XKR3: variants seen among roughly 807,000 people sequenced by gnomAD.
XKR3 encodes XK related 3.
In XKR3, 27 loss-of-function variants were observed where a neutral mutation model predicts 40.3. That is an observed-to-expected ratio of 0.67 (90% CI 0.49 to 0.92). The LOEUF (loss-of-function observed/expected upper bound fraction) is 0.92, where lower values mean the gene tolerates loss of function less well. Among genes scored for constraint, XKR3 ranks in the 40% least tolerant of loss-of-function variants. The probability of loss-of-function intolerance (pLI) is 0.00; values close to 1 mark genes in which losing one functional copy is unlikely to be tolerated. For missense variants in XKR3, 472 were observed against 537.6 expected (o/e 0.88, Z 1.21); for synonymous variants, 193 against 195.4 (o/e 0.99, Z 0.10).
intron 1 of XKR3, among the ~76,000 whole-genome samples, chr22:16,821,936 T>G (rs2060258344): frequency 6.6e-6 from 1 of 152,108 alleles, no homozygotes. Context: ...ATTTTTATTA[T>G]TTTTTGCCAC....
At chr22:16,807,473 T>C (rs2060194238) in intron 2 of XKR3, among the ~76,000 whole-genome samples, 1 of 152,142 alleles carries the variant, frequency 6.6e-6, no homozygotes, top group African/African-American at 2.4e-5. Flanking sequence ...ATGAGAAAAA[T>C]AGTAAAGACT....
chr22:16,790,258 T>C (rs1324078305), intron 3 of XKR3, among the ~76,000 whole-genome samples: 7 of 151,814 alleles, frequency 4.6e-5, no homozygotes, highest in Non-Finnish European at 1.0e-4. Flanking sequence ...TTTTTTTTTT[T>C]TTTTGGATAA....
chr22:16,802,280 C>T (rs188096107), intron 2 of XKR3, among the ~76,000 whole-genome samples: 21 of 152,144 alleles, frequency 1.4e-4, no homozygotes, highest in Non-Finnish European at 1.9e-4. Flanking sequence ...TTCTCCCATC[C>T]CTTGTCTTTC....
In XKR3 at chr22:16,784,336, G is replaced by C; in HGVS notation, c.663C>G (p.Ile221Met). The C allele has an allele frequency of 6.2e-7, 1 of 1,614,106 alleles. No individual in the cohort carries two copies. The highest frequency in any genetic ancestry group is 8.5e-7 in the Non-Finnish European group (1 of 1,179,998). ...GCTTAATGGTAGTATCATCATTGCT[G>C]ATCTGGATGGCCAGTATATTGCAGC... ...AIRCNILAIQ[I>M]SNDDTTIKLP... Residue 221 changes from isoleucine (I) to methionine (M), a missense_variant, in exon 4 of 4, where the codon ATC (isoleucine) becomes ATG (methionine). Physicochemically the swap from Ile to Met is conservative, Grantham distance 10 (BLOSUM62 1). Coordinates refer to ENST00000684488, the MANE Select transcript of XKR3 (RefSeq NM_001386955.1).
chr22:16,786,256 G>GCGCACACACA lies in XKR3; in HGVS notation c.590-1848_590-1847insTGTGTGTGCG, dbSNP rs1555895915. ...GAAAACCTGTATCTACAAAACGCGT[G>GCGCACACACA]CACACACACACACACACAAATACAC... On this transcript the variant is annotated intron_variant, in intron 3 of 3. Coordinates refer to ENST00000684488, the MANE Select transcript of XKR3 (RefSeq NM_001386955.1). Among the ~76,000 whole-genome samples the GCGCACACACA allele has an allele frequency of 2.6e-3, 385 of 148,706 alleles. 2 individuals are homozygous for GCGCACACACA. Among genetic ancestry groups the GCGCACACACA allele is most frequent in the African/African-American group, 9.4e-3 (376 of 40,200 alleles).
At chr22:16,821,499 G>T in intron 1 of XKR3, 1 of 151,678 alleles carries the variant, frequency 6.6e-6, no homozygotes, top group East Asian at 1.9e-4. Flanking sequence ...AGGTATATTG[G>T]CAATAAACAG....
chr22:16,800,594 A>T (rs1351444479), intron 2 of XKR3, among the ~76,000 whole-genome samples: 1 of 152,198 alleles, frequency 6.6e-6, no homozygotes, highest in African/African-American at 2.4e-5. Flanking sequence ...GTCTAAAAAA[A>T]CTCAATGAAT....
chr22:16,806,513 G>A (rs557858769), intron 2 of XKR3, among the ~76,000 whole-genome samples: 48 of 145,648 alleles, frequency 3.3e-4, no homozygotes, highest in African/African-American at 1.1e-3. Flanking sequence ...TGTTGCCTAG[G>A]CGCAACTTCT....
rs187187892 is a variant in XKR3 at position 16,809,319 on chromosome 22, G to A, written c.-10-1236C>T. 1.3e-4 allele frequency among the ~76,000 whole-genome samples: 20 copies of A among 152,110 alleles called. 2 individuals are homozygous for A. Among genetic ancestry groups the A allele is most frequent in the African/African-American group, 4.6e-4 (19 of 41,502 alleles). On this transcript the variant is annotated intron_variant, in intron 1 of 3. Coordinates refer to ENST00000684488, the MANE Select transcript of XKR3 (RefSeq NM_001386955.1). ...CCTCCTGGACCCAATCCATCAATAT[G>A]ATTGATCTTTTTCTCTTTTGTGTAA...
intron 1 of XKR3, among the ~76,000 whole-genome samples, chr22:16,819,735 C>A (rs1023542151): frequency 2.0e-5 from 3 of 151,986 alleles, no homozygotes; most frequent in African/African-American, 7.3e-5. Flanking sequence ...ACCAAAAATA[C>A]AAGCCATGAA....
chr22:16,783,480 T>C lies in XKR3; in HGVS notation c.*139A>G. On this transcript the variant is annotated 3_prime_UTR_variant, in exon 4 of 4. Coordinates refer to ENST00000684488, the MANE Select transcript of XKR3 (RefSeq NM_001386955.1). The stretch of plus-strand genomic sequence containing the variant: ...AGAAAACAAAAATTACTAAGGCACG[T>C]TCACAGGAGAACATAAATGAATTTT... 1 of 642,724 alleles carries C rather than the reference T, an allele frequency of 1.6e-6. No homozygotes were observed. The highest frequency in any genetic ancestry group is 3.7e-5 in the Admixed American group (1 of 27,060). The allele number at this position is 642,724 out of a possible 1,614,324, so 39.8% of individuals were successfully genotyped here.
chr22:16,807,848 C>A lies in XKR3; in HGVS notation c.226G>T (p.Val76Leu). The change falls in exon 2 of 4, where the codon GTG (valine) becomes TTG (leucine). Residue 76 changes from valine (V) to leucine (L), a missense_variant. Physicochemically the swap from Val to Leu is conservative, Grantham distance 32. Coordinates refer to ENST00000684488, the MANE Select transcript of XKR3 (RefSeq NM_001386955.1). ...ATAATTTGATCCAAAATTGCCCCCA[C>A]AATAATAAAGCTGATGGTAAATGAC... is the stretch of plus-strand genomic sequence containing the variant. ...WMSFTISFII[V>L]GAILDQIILM... 6.2e-7 allele frequency: 1 copy of A among 1,613,916 alleles called. No individual in the cohort carries two copies. Among genetic ancestry groups the A allele is most frequent in the Admixed American group, 1.7e-5 (1 of 60,010 alleles).
At chr22:16,804,262 G>C (rs1601846125) in intron 2 of XKR3, among the ~76,000 whole-genome samples, 1 of 152,108 alleles carries the variant, frequency 6.6e-6, no homozygotes, top group Admixed American at 6.6e-5. Flanking sequence ...TATATAAGGG[G>C]TCTGGGTACT....
chr22:16,811,091 T>C (rs193222159), intron 1 of XKR3, among the ~76,000 whole-genome samples: 17 of 152,020 alleles, frequency 1.1e-4, no homozygotes, highest in African/African-American at 4.1e-4. Context: ...CAGTTCACTT[T>C]GATCTTTTTT....
At chr22:16,822,418 G>T (rs2060260835) in intron 1 of XKR3, among the ~76,000 whole-genome samples, 1 of 151,874 alleles carries the variant, frequency 6.6e-6, no homozygotes, top group Non-Finnish European at 1.5e-5. Context: ...AAAGAAGACA[G>T]ATAAGAGAAA....
At chr22:16,803,598 A>C (rs2060177971) in intron 2 of XKR3, among the ~76,000 whole-genome samples, 1 of 152,220 alleles carries the variant, frequency 6.6e-6, no homozygotes, top group Non-Finnish European at 1.5e-5. Flanking sequence ...TACAGGTCAT[A>C]ATGAACTTCC....
chr22:16,799,182 G>T (rs2060155551), intron 3 of XKR3, among the ~76,000 whole-genome samples: 2 of 151,726 alleles, frequency 1.3e-5, no homozygotes, highest in South Asian at 4.2e-4. Context: ...GGGAGGCCAA[G>T]GCAGGTGGAT....
intron 1 of XKR3, among the ~76,000 whole-genome samples, chr22:16,814,230 C>A (rs530167592): frequency 6.6e-6 from 1 of 152,146 alleles, no homozygotes; most frequent in Non-Finnish European, 1.5e-5. Flanking sequence ...AGGGTTCCAA[C>A]TTCACATGAA....
At chr22:16,804,415 T>TC (rs2060181491) in intron 2 of XKR3, among the ~76,000 whole-genome samples, 1 of 151,960 alleles carries the variant, frequency 6.6e-6, no homozygotes, top group Non-Finnish European at 1.5e-5. Context: ...ATGTTTTTTT[T>TC]CCCCTCATGT....
Sources: gnomAD v4.1 joint callset for allele counts (sites outside exome capture counted in the v4.1 genomes callset) on GRCh38, gnomAD v4.1.1 for gene constraint, MANE v1.5 for transcripts, NCBI Gene and HGNC (gene_info 2026-07-23, HGNC 2026-07-21) for gene names.